Variants in ADK observed in about 807,000 individuals in gnomAD.
ADK encodes N6,N6-dimethyladenosine kinase.
In ADK, 24 loss-of-function variants were observed where a neutral mutation model predicts 44.7. The ratio of observed to expected loss-of-function variants is 0.54; its 90% CI spans 0.39 to 0.76. The LOEUF (loss-of-function observed/expected upper bound fraction) is 0.76. Ranked by LOEUF, ADK falls within the 30% of genes least tolerant of loss-of-function variation. ADK has a pLI of 0.00. For synonymous variants in ADK, 128 were observed against 142.6 expected, an observed-to-expected ratio of 0.90 and a Z score of 0.73; for missense variants, 321 against 425.1, an observed-to-expected ratio of 0.76 and a Z score of 2.15.
chr10:74,620,996 A>AT (rs550130079), intron 9 of ADK, among the ~76,000 whole-genome samples: 2 of 151,468 alleles, frequency 1.3e-5, no homozygotes, highest in African/African-American at 2.4e-5. Context: ...AGTTGTATGT[A>AT]TTTTTTTCTA....
rs146393279 is a variant in ADK at position 74,321,766 on chromosome 10, C to A, written c.273+7021C>A. Reference sequence around the variant, plus strand: ...GCCAGTGTGTTTATGTTGTATACATCTCGGGGCATGCTTTTAAGTGTTTTC... The same window carrying A: ...GCCAGTGTGTTTATGTTGTATACATATCGGGGCATGCTTTTAAGTGTTTTC... On this transcript the variant is annotated intron_variant, in intron 4 of 10. Coordinates refer to ENST00000539909, the MANE Select transcript of ADK (RefSeq NM_006721.4). Among the ~76,000 whole-genome samples the A allele has an allele frequency of 5.0e-3, 761 of 152,074 alleles. 11 individuals carry two copies. Among genetic ancestry groups the A allele is most frequent in the African/African-American group, 0.017 (709 of 41,472 alleles).
At chr10:74,259,472 T>TG (rs1364713040) in intron 3 of ADK, among the ~76,000 whole-genome samples, 2 of 148,452 alleles carry the variant, frequency 1.3e-5, no homozygotes, top group Non-Finnish European at 1.5e-5. Flanking sequence ...TTTTTTTTTT[T>TG]TTGAGACGGA....
At chr10:74,655,225 A>G in intron 9 of ADK, 1 of 386,454 alleles carries the variant, frequency 2.6e-6, no homozygotes. Context: ...GGACAGAGAC[A>G]GGTGCATGGA....
intron 3 of ADK, among the ~76,000 whole-genome samples, chr10:74,312,118 A>T (rs1390170613): frequency 6.6e-6 from 1 of 152,136 alleles, no homozygotes; most frequent in Non-Finnish European, 1.5e-5. Context: ...GTGAGCCGAG[A>T]TCGCGCCAGT....
At position 74,360,053 on chromosome 10, in the gene ADK, A is replaced by G. The variant is rs144555496; in HGVS notation, c.274-34088A>G. On this transcript the variant is annotated intron_variant, in intron 4 of 10. Coordinates refer to ENST00000539909, the MANE Select transcript of ADK (RefSeq NM_006721.4). The stretch of plus-strand genomic sequence containing the variant: ...TATAATATGGTCTAATTAATATATT[A>G]GACTAGAAGTATAAGATCTCTCCTG... Among the ~76,000 whole-genome samples the G allele has an allele frequency of 4.1e-4, 63 of 152,318 alleles. No individual in the cohort carries two copies. The East Asian group carries it at 0.012, about 28-fold the overall frequency.
chr10:74,459,567 A>G (rs1846086621), intron 6 of ADK, among the ~76,000 whole-genome samples: 1 of 151,828 alleles, frequency 6.6e-6, no homozygotes, highest in African/African-American at 2.4e-5. Context: ...CGTCTCTACT[A>G]AAAATACAAA....
At chr10:74,201,261 C>T (rs1172046095) in intron 2 of ADK, among the ~76,000 whole-genome samples, 1 of 152,138 alleles carries the variant, frequency 6.6e-6, no homozygotes, top group Non-Finnish European at 1.5e-5. Flanking sequence ...AGAGAACGTG[C>T]AGGATATAAT....
chr10:74,282,602 G>T (rs1445867625), intron 3 of ADK, among the ~76,000 whole-genome samples: 2 of 152,036 alleles, frequency 1.3e-5, no homozygotes. Context: ...GTTGCTTTTG[G>T]AACTATGCAT....
chr10:74,212,066 A>C (rs1197194964), intron 2 of ADK, among the ~76,000 whole-genome samples: 1 of 152,112 alleles, frequency 6.6e-6, no homozygotes, highest in Non-Finnish European at 1.5e-5. Context: ...TTTGAAATAA[A>C]CTGCTATTTG....
chr10:74,360,263 A>G (rs978612379), intron 4 of ADK, among the ~76,000 whole-genome samples: 13 of 152,078 alleles, frequency 8.5e-5, no homozygotes, highest in African/African-American at 1.2e-4. Flanking sequence ...AAGAACACTG[A>G]TGTTTTTATA....
At chr10:74,636,511 A>T (rs1853625750) in intron 9 of ADK, among the ~76,000 whole-genome samples, 1 of 152,230 alleles carries the variant, frequency 6.6e-6, no homozygotes, top group African/African-American at 2.4e-5. Flanking sequence ...GAATTAAAAT[A>T]ATAGCAAGCT....
chr10:74,620,187 A>G (rs1335338938), intron 9 of ADK, among the ~76,000 whole-genome samples: 1 of 152,206 alleles, frequency 6.6e-6, no homozygotes, highest in East Asian at 1.9e-4. Context: ...GTTATCCTAC[A>G]TTGCTGTAGA....
chr10:74,706,104 C>T (rs962213697), intron 10 of ADK, among the ~76,000 whole-genome samples: 5 of 152,006 alleles, frequency 3.3e-5, no homozygotes, highest in Admixed American at 6.6e-5. Context: ...GAGGCCAAGG[C>T]GGGCAGATTA....
rs142865386 is a variant in ADK at position 74,187,898 on chromosome 10, A to G, written c.66-12866A>G. ...GATTTATTTGTATCTTCTTATGTCAATGCCACACTGTCTTAATTATTGTAG... is the reference window on the plus strand; with the variant it reads ...GATTTATTTGTATCTTCTTATGTCAGTGCCACACTGTCTTAATTATTGTAG... On this transcript the variant is annotated intron_variant, in intron 1 of 10. Transcript: ENST00000539909. 3.5e-3 allele frequency among the ~76,000 whole-genome samples: 533 copies of G among 152,290 alleles called. 1 individual carries two copies. The highest frequency in any genetic ancestry group is 0.012 in the African/African-American group (479 of 41,556).
At chr10:74,419,948 C>T (rs1385762240) in intron 6 of ADK, among the ~76,000 whole-genome samples, 1 of 152,086 alleles carries the variant, frequency 6.6e-6, no homozygotes, top group Non-Finnish European at 1.5e-5. Flanking sequence ...ACTTCTATCC[C>T]CAAATTACTT....
At chr10:74,212,787 G>A (rs932069671) in intron 2 of ADK, among the ~76,000 whole-genome samples, 3 of 152,126 alleles carry the variant, frequency 2.0e-5, no homozygotes, top group African/African-American at 7.2e-5. Context: ...TAAACCTGTT[G>A]CGAGATGATG....
intron 1 of ADK, among the ~76,000 whole-genome samples, chr10:74,191,744 T>A (rs1001753231): frequency 2.0e-5 from 3 of 152,238 alleles, no homozygotes; most frequent in Admixed American, 1.3e-4. Flanking sequence ...TACAATAGTA[T>A]TAAATTAACT....
intron 4 of ADK, among the ~76,000 whole-genome samples, chr10:74,335,399 G>A (rs183324386): frequency 1.1e-3 from 169 of 152,160 alleles, no homozygotes; most frequent in African/African-American, 3.9e-3. Flanking sequence ...TTCAGTTGAC[G>A]TAAGTTCATC....
chr10:74,406,467 T>C (rs1843928676), intron 6 of ADK, among the ~76,000 whole-genome samples: 1 of 150,718 alleles, frequency 6.6e-6, no homozygotes, highest in Non-Finnish European at 1.5e-5. Context: ...CAATAAGTTT[T>C]CTCTTTCCAC....
Sources: gnomAD v4.1 joint callset for allele counts (sites outside exome capture counted in the v4.1 genomes callset) on GRCh38, gnomAD v4.1.1 for gene constraint, MANE v1.5 for transcripts, NCBI Gene and HGNC (gene_info 2026-07-23, HGNC 2026-07-21) for gene names.